The following CHCHD6 variants were observed in gnomAD, a reference collection of about 807,000 sequenced individuals.
CHCHD6 encodes the protein coiled-coil-helix-coiled-coil-helix domain containing 6.
In CHCHD6, 28 loss-of-function variants were observed where a neutral mutation model predicts 32.3. The observed-to-expected ratio is 0.87, with a 90% CI of 0.64 to 1.19. The LOEUF is 1.19. CHCHD6 is among the 50% of genes most tolerant of loss of function. The pLI is 0.00. For missense variants in CHCHD6, 333 were observed against 307.0 expected, an observed-to-expected ratio of 1.08 and a Z score of -0.63; for synonymous variants, 122 against 117.5, an observed-to-expected ratio of 1.04 and a Z score of -0.25.
Position 126,733,020 on chromosome 3 carries a change from C to G in CHCHD6, c.267-58C>G, listed in dbSNP as rs533889991. ...AGTGAGTGCGCAGATCTTGTCTTGG[C>G]TATGGGCTGCCCGTCATGCCATCCA... On this transcript the variant is annotated intron_variant, in intron 3 of 7. Transcript: ENST00000290913. The G allele has an allele frequency of 3.8e-5, 60 of 1,591,226 alleles. No homozygotes were observed. The African/African-American group carries it at 8.0e-4, about 21-fold the overall frequency.
chr3:126,870,313 G>A (rs138875521), intron 5 of CHCHD6, among the ~76,000 whole-genome samples: 3,128 of 152,206 alleles, frequency 0.021, 116 homozygotes, highest in African/African-American at 0.071. Context: ...ATTAGGACCC[G>A]TTGCTTCTAC....
At chr3:126,717,869 G>A (rs539744952) in intron 1 of CHCHD6, among the ~76,000 whole-genome samples, 68 of 152,274 alleles carry the variant, frequency 4.5e-4, no homozygotes, top group East Asian at 4.4e-3. Context: ...TACTCTGCAC[G>A]CGTTCCCCCT....
chr3:126,865,716 G>A (rs1184582224), intron 5 of CHCHD6: 6 of 985,170 alleles, frequency 6.1e-6, no homozygotes, highest in Non-Finnish European at 7.2e-6. Flanking sequence ...TCTTCCCTGA[G>A]TCTACTCTGC....
intron 6 of CHCHD6, among the ~76,000 whole-genome samples, chr3:126,928,592 G>T (rs560872229): frequency 1.3e-5 from 2 of 152,324 alleles, no homozygotes; most frequent in South Asian, 4.2e-4. Flanking sequence ...ATAACTGTTG[G>T]TCACTGGTTT....
chr3:126,807,794 A>G (rs1375484140), intron 4 of CHCHD6, among the ~76,000 whole-genome samples: 1 of 152,230 alleles, frequency 6.6e-6, no homozygotes, highest in Non-Finnish European at 1.5e-5. Flanking sequence ...GCTGTATAAC[A>G]AATTACTCCA....
chr3:126,790,538 C>G (rs1186325091), intron 4 of CHCHD6, among the ~76,000 whole-genome samples: 1 of 152,068 alleles, frequency 6.6e-6, no homozygotes, highest in Non-Finnish European at 1.5e-5. Flanking sequence ...ACTCTTTTTT[C>G]TTTAAACTTC....
chr3:126,928,095 C>T (rs755940491), intron 6 of CHCHD6, among the ~76,000 whole-genome samples: 1 of 152,226 alleles, frequency 6.6e-6, no homozygotes, highest in African/African-American at 2.4e-5. Flanking sequence ...CCATAGTACT[C>T]AACCCAGGGA....
chr3:126,886,591 G>A (rs573651511), intron 5 of CHCHD6, among the ~76,000 whole-genome samples: 53 of 152,226 alleles, frequency 3.5e-4, no homozygotes, highest in African/African-American at 8.2e-4. Flanking sequence ...GTTTCCCCTC[G>A]TTCCCGTTCA....
intron 4 of CHCHD6, among the ~76,000 whole-genome samples, chr3:126,791,490 C>G (rs1232981355): frequency 6.6e-6 from 1 of 152,258 alleles, no homozygotes. Flanking sequence ...CCTTCCTGGC[C>G]TCTTTGTTTA....
intron 4 of CHCHD6, among the ~76,000 whole-genome samples, chr3:126,852,057 G>A (rs143172913): frequency 2.8e-4 from 43 of 152,296 alleles, no homozygotes; most frequent in African/African-American, 9.9e-4. Context: ...AGGAAGCAGC[G>A]CCTCTCCAGC....
intron 5 of CHCHD6, among the ~76,000 whole-genome samples, chr3:126,890,027 C>G (rs1316187683): frequency 6.6e-6 from 1 of 152,232 alleles, no homozygotes; most frequent in African/African-American, 2.4e-5. Flanking sequence ...GCCATCCTTT[C>G]TCCTGTGGGC....
intron 4 of CHCHD6, among the ~76,000 whole-genome samples, chr3:126,787,780 G>GT (rs1341318461): frequency 6.6e-6 from 1 of 152,134 alleles, no homozygotes; most frequent in East Asian, 1.9e-4. Context: ...AACAGGGACA[G>GT]TTTGACTTCC....
chr3:126,883,613 C>T (rs1010555475), intron 5 of CHCHD6, among the ~76,000 whole-genome samples: 1 of 152,200 alleles, frequency 6.6e-6, no homozygotes. Flanking sequence ...TCTTCTAAGG[C>T]GTACTCCAAA....
chr3:126,749,284 C>T (rs1206851204), intron 4 of CHCHD6, among the ~76,000 whole-genome samples: 1 of 152,154 alleles, frequency 6.6e-6, no homozygotes, highest in Non-Finnish European at 1.5e-5. Flanking sequence ...ATCAACAGGA[C>T]TCCCAAGGGC....
At chr3:126,854,467 A>C (rs1211112823) in intron 5 of CHCHD6, among the ~76,000 whole-genome samples, 1 of 152,196 alleles carries the variant, frequency 6.6e-6, no homozygotes. Flanking sequence ...CAGAAGAATG[A>C]GGCTTAATTG....
chr3:126,721,581 A>G (rs1391018329), intron 1 of CHCHD6, among the ~76,000 whole-genome samples: 1 of 152,122 alleles, frequency 6.6e-6, no homozygotes, highest in Non-Finnish European at 1.5e-5. Flanking sequence ...TAACAGCTTT[A>G]TTGAGATGTG....
chr3:126,945,537 A>G (rs1440627093), intron 6 of CHCHD6, among the ~76,000 whole-genome samples: 2 of 127,872 alleles, frequency 1.6e-5, no homozygotes, highest in Admixed American at 8.3e-5. Flanking sequence ...ACTTGAATAG[A>G]GAGACTCGGG....
rs561649168 is a variant in CHCHD6 at position 126,836,673 on chromosome 3, G to A, written c.412-15974G>A. 4.9e-4 allele frequency among the ~76,000 whole-genome samples: 74 copies of A among 152,334 alleles called. 1 individual carries two copies. The South Asian group carries it at 0.013, about 28-fold the overall frequency. ...GGACACTGACCGGGAGAGGCAAAGCGCTGTAGCAGAGATTGTGCGGAGATG... is the reference window on the plus strand; with the variant it reads ...GGACACTGACCGGGAGAGGCAAAGCACTGTAGCAGAGATTGTGCGGAGATG... On this transcript the variant is annotated intron_variant, in intron 4 of 7. Transcript: ENST00000290913.
intron 4 of CHCHD6, among the ~76,000 whole-genome samples, chr3:126,743,959 A>G (rs1936389896): frequency 6.6e-6 from 1 of 152,190 alleles, no homozygotes; most frequent in South Asian, 2.1e-4. Flanking sequence ...CAGTGAGGGC[A>G]CAGGTAGTCA....
Sources: allele counts gnomAD v4.1 joint callset (sites outside exome capture counted in the v4.1 genomes callset), GRCh38; gene constraint gnomAD v4.1.1; transcripts MANE v1.5; gene names NCBI Gene and HGNC (gene_info 2026-07-23, HGNC 2026-07-21).